Variants in FAM184B observed in about 807,000 individuals in gnomAD.
The protein encoded by FAM184B is protein FAM184B.
A neutral mutation model predicts 135.9 loss-of-function variants in FAM184B; 111 were observed. That is an observed-to-expected ratio of 0.82 (90% CI 0.70 to 0.96). FAM184B has a LOEUF of 0.96. Ranked by LOEUF, FAM184B falls within the 40% of genes least tolerant of loss-of-function variation. The probability of loss-of-function intolerance (pLI) is 0.00; values close to 1 mark genes in which losing one functional copy is unlikely to be tolerated. For missense variants in FAM184B, 1,375 were observed against 1,323.9 expected (o/e 1.04, Z -0.60); for synonymous variants, 552 against 524.8 (o/e 1.05, Z -0.71).
chr4:17,729,583 G>A (rs182658644), intron 1 of FAM184B, among the ~76,000 whole-genome samples: 8 of 152,334 alleles, frequency 5.3e-5, no homozygotes, highest in Non-Finnish European at 8.8e-5. Flanking sequence ...CAGCATTTGC[G>A]GTTCACCAAG....
chr4:17,707,103 A>T (rs1271836350), intron 3 of FAM184B, among the ~76,000 whole-genome samples: 1 of 151,556 alleles, frequency 6.6e-6, no homozygotes, highest in Non-Finnish European at 1.5e-5. Flanking sequence ...TTAATTTTTT[A>T]ATTTTTATTT....
intron 7 of FAM184B, among the ~76,000 whole-genome samples, chr4:17,678,140 T>C (rs2108951091): frequency 6.6e-6 from 1 of 152,276 alleles, no homozygotes; most frequent in East Asian, 1.9e-4. Context: ...TCACCACTTC[T>C]ATTCAACATA....
At chr4:17,775,595 A>G (rs1030502471) in intron 1 of FAM184B, among the ~76,000 whole-genome samples, 1 of 152,216 alleles carries the variant, frequency 6.6e-6, no homozygotes, top group African/African-American at 2.4e-5. Context: ...AGTTTTGTCA[A>G]CTGACCCAAT....
chr4:17,747,446 C>T (rs1718191714), intron 1 of FAM184B, among the ~76,000 whole-genome samples: 1 of 151,990 alleles, frequency 6.6e-6, no homozygotes, highest in Non-Finnish European at 1.5e-5. Flanking sequence ...GTTGGTACTT[C>T]CGAAGTCTGG....
At chr4:17,646,143 G>A (rs1176239242) in intron 12 of FAM184B, among the ~76,000 whole-genome samples, 2 of 152,134 alleles carry the variant, frequency 1.3e-5, no homozygotes, top group African/African-American at 4.8e-5. Flanking sequence ...ACTGTAAACT[G>A]GTTCAACCAT....
chr4:17,743,264 G>C (rs1718086202), intron 1 of FAM184B, among the ~76,000 whole-genome samples: 1 of 152,250 alleles, frequency 6.6e-6, no homozygotes, highest in Non-Finnish European at 1.5e-5. Context: ...TGGGATGGGG[G>C]TGGGGAGAGA....
intron 1 of FAM184B, among the ~76,000 whole-genome samples, chr4:17,768,321 C>A (rs1255505669): frequency 1.3e-5 from 2 of 152,222 alleles, no homozygotes; most frequent in Admixed American, 6.5e-5. Flanking sequence ...GTCGCCCAGA[C>A]TGGGGTGCAG....
At chr4:17,751,854 C>T (rs1052573742) in intron 1 of FAM184B, among the ~76,000 whole-genome samples, 1 of 151,342 alleles carries the variant, frequency 6.6e-6, no homozygotes, top group African/African-American at 2.4e-5. Context: ...CACACACACA[C>T]ACACACACAC....
At chr4:17,639,166 A>T in intron 14 of FAM184B, 84 bp downstream of exon 14, 1 of 1,367,138 alleles carries the variant, frequency 7.3e-7, no homozygotes, top group South Asian at 1.3e-5. Context: ...AAACCAGGAA[A>T]TCCCAGGGTC....
chr4:17,686,322 GGGT>G (rs1365332732), intron 7 of FAM184B, among the ~76,000 whole-genome samples: 1 of 152,224 alleles, frequency 6.6e-6, no homozygotes, highest in Non-Finnish European at 1.5e-5. Flanking sequence ...CTGTGGATGA[GGGT>G]GCCTCTGCTC....
chr4:17,660,451 A>G (rs530976164), intron 8 of FAM184B, among the ~76,000 whole-genome samples: 76 of 152,110 alleles, frequency 5.0e-4, no homozygotes, highest in Non-Finnish European at 9.1e-4. Context: ...AGAGATCTCT[A>G]TGGTCTTAAT....
intron 1 of FAM184B, among the ~76,000 whole-genome samples, chr4:17,732,681 G>A (rs1717809949): frequency 6.6e-6 from 1 of 152,192 alleles, no homozygotes; most frequent in Non-Finnish European, 1.5e-5. Flanking sequence ...CTCTGAAATT[G>A]TGGCAATAAT....
At chr4:17,750,781 C>A (rs1718272700) in intron 1 of FAM184B, among the ~76,000 whole-genome samples, 1 of 152,082 alleles carries the variant, frequency 6.6e-6, no homozygotes, top group African/African-American at 2.4e-5. Flanking sequence ...TACCAAGCAC[C>A]CTTTCCTTCC....
intron 8 of FAM184B, among the ~76,000 whole-genome samples, chr4:17,661,912 C>T (rs1175826315): frequency 6.6e-6 from 1 of 152,162 alleles, no homozygotes; most frequent in Non-Finnish European, 1.5e-5. Context: ...TAGTGAAGTG[C>T]ACAGATCTTA....
chr4:17,649,673 A>C (rs1715556690), intron 11 of FAM184B, among the ~76,000 whole-genome samples: 1 of 152,022 alleles, frequency 6.6e-6, no homozygotes, highest in Admixed American at 6.6e-5. Flanking sequence ...AAAAAAATCC[A>C]AACATAACCC....
chr4:17,686,253 C>A (rs1314893914), intron 7 of FAM184B, among the ~76,000 whole-genome samples: 1 of 152,204 alleles, frequency 6.6e-6, no homozygotes, highest in Non-Finnish European at 1.5e-5. Context: ...TCTGCACATC[C>A]CTCAGGCAGA....
rs1714901703 is a variant in FAM184B at position 17,630,640 on chromosome 4, T to C, written c.*1892A>G. 1 of 152,176 alleles carries C rather than the reference T, an allele frequency of 6.6e-6. No homozygotes were observed. 9.4% of individuals were successfully genotyped at this position (152,176 alleles called of 1,614,324 possible). ...CTAAGCGGGAAACTCACAAAAAATA[T>C]TTGGTAGTGAAAAACAGTATGGTGT... On this transcript the variant is annotated 3_prime_UTR_variant, in exon 18 of 18. Coordinates refer to ENST00000265018, the MANE Select transcript of FAM184B (RefSeq NM_015688.2).
intron 1 of FAM184B, among the ~76,000 whole-genome samples, chr4:17,718,726 G>A (rs747080938): frequency 1.6e-4 from 25 of 152,284 alleles, no homozygotes; most frequent in Non-Finnish European, 3.1e-4. Context: ...GGGTACCCAC[G>A]GGTCCCAGAA....
intron 1 of FAM184B, among the ~76,000 whole-genome samples, chr4:17,776,452 G>A (rs1366119033): frequency 1.3e-5 from 2 of 152,088 alleles, no homozygotes; most frequent in South Asian, 2.1e-4. Context: ...GCAATGGCAC[G>A]ATCTCAGCCA....
Sources: allele counts gnomAD v4.1 joint callset (sites outside exome capture counted in the v4.1 genomes callset), GRCh38; gene constraint gnomAD v4.1.1; transcripts MANE v1.5; gene names NCBI Gene and HGNC (gene_info 2026-07-23, HGNC 2026-07-21).